The following RHBDD1 variants were observed in gnomAD, a reference collection of about 807,000 sequenced individuals.
The protein encoded by RHBDD1 is rhomboid domain containing 1, also known as rhomboid-related protein 4.
Under a neutral mutation model 36.3 loss-of-function variants are expected in RHBDD1, and 38 were observed. That is an observed-to-expected ratio of 1.05 (90% CI 0.81 to 1.37). The LOEUF (loss-of-function observed/expected upper bound fraction) is 1.37, where lower values mean the gene tolerates loss of function less well. RHBDD1 is among the 40% of genes most tolerant of loss of function. The pLI is 0.00. For missense variants in RHBDD1, 393 were observed against 377.6 expected (o/e 1.04, Z -0.34); for synonymous variants, 151 against 136.5 (o/e 1.11, Z -0.74).
the RHBDD1 span, among the ~76,000 whole-genome samples, chr2:226,829,317 T>G: frequency 2.6e-5 from 4 of 152,212 alleles, no homozygotes; most frequent in African/African-American, 9.6e-5. Flanking sequence ...TCCTCCAACT[T>G]TATTCTTCTT....
intron 5 of RHBDD1, 194 bp downstream of exon 5, chr2:226,867,512 A>G: frequency 1.1e-6 from 1 of 896,446 alleles, no homozygotes. Flanking sequence ...AAGCTGTATA[A>G]TTTTGGGTCA....
At chr2:226,806,870 A>G in the RHBDD1 span, among the ~76,000 whole-genome samples, 1 of 152,262 alleles carries the variant, frequency 6.6e-6, no homozygotes, top group African/African-American at 2.4e-5. Flanking sequence ...AAAACAGAAC[A>G]GAACAATGAT....
At chr2:226,820,789 A>G in the RHBDD1 span, among the ~76,000 whole-genome samples, 2 of 152,058 alleles carry the variant, frequency 1.3e-5, no homozygotes, top group Non-Finnish European at 2.9e-5. Context: ...ACAGAACAAG[A>G]CCCTGTCACT....
At chr2:226,941,612 T>C (rs1053615266) in intron 8 of RHBDD1, among the ~76,000 whole-genome samples, 24 of 152,126 alleles carry the variant, frequency 1.6e-4, no homozygotes, top group African/African-American at 5.8e-4. Context: ...GAGATGAAAA[T>C]GGTACTTGAG....
chr2:226,925,871 A>G (rs1449348833), intron 8 of RHBDD1, among the ~76,000 whole-genome samples: 1 of 152,100 alleles, frequency 6.6e-6, no homozygotes, highest in African/African-American at 2.4e-5. Context: ...GTCATTGTGG[A>G]TATTCAAGGA....
intron 8 of RHBDD1, among the ~76,000 whole-genome samples, chr2:226,968,022 TCTCATA>T (rs1053100860): frequency 2.0e-5 from 3 of 152,212 alleles, no homozygotes; most frequent in Admixed American, 6.5e-5. Flanking sequence ...GTTTTACTTA[TCTCATA>T]GGAGGGTGAA....
chr2:226,841,943 A>G (rs1037430047), intron 3 of RHBDD1, among the ~76,000 whole-genome samples: 1 of 151,988 alleles, frequency 6.6e-6, no homozygotes, highest in Non-Finnish European at 1.5e-5. Context: ...TTTCCCTGCA[A>G]CCTCGCCAGC....
chr2:226,991,429 C>T (rs1456792344), intron 8 of RHBDD1, among the ~76,000 whole-genome samples: 1 of 152,200 alleles, frequency 6.6e-6, no homozygotes, highest in African/African-American at 2.4e-5. Flanking sequence ...AACCGCCCGC[C>T]TCAGCCTCCC....
intron 3 of RHBDD1, among the ~76,000 whole-genome samples, chr2:226,852,878 T>C (rs1305894580): frequency 6.7e-6 from 1 of 149,664 alleles, no homozygotes; most frequent in Non-Finnish European, 1.5e-5. Context: ...GGATTATAGG[T>C]GTGTGCCACT....
chr2:226,849,794 T>TATATCC (rs1375343869), intron 3 of RHBDD1, among the ~76,000 whole-genome samples: 2 of 152,238 alleles, frequency 1.3e-5, no homozygotes, highest in East Asian at 3.8e-4. Flanking sequence ...TATCTATATC[T>TATATCC]ATTCCAGCTT....
chr2:226,902,614 T>C (rs978331923), intron 5 of RHBDD1, among the ~76,000 whole-genome samples: 8 of 152,214 alleles, frequency 5.3e-5, no homozygotes, highest in African/African-American at 1.9e-4. Flanking sequence ...TTTTTTTATG[T>C]GTGTGATGTT....
At chr2:226,882,792 A>G (rs1945879432) in intron 5 of RHBDD1, among the ~76,000 whole-genome samples, 1 of 152,158 alleles carries the variant, frequency 6.6e-6, no homozygotes, top group Non-Finnish European at 1.5e-5. Context: ...TGTGGCTTAC[A>G]CAACAGGAAT....
chr2:226,881,332 T>A (rs1393080799), intron 5 of RHBDD1, among the ~76,000 whole-genome samples: 1 of 152,214 alleles, frequency 6.6e-6, no homozygotes, highest in Non-Finnish European at 1.5e-5. Flanking sequence ...CAGAGAAAAT[T>A]ATTAGCATTA....
At chr2:226,895,481 C>T (rs2125538559) in intron 5 of RHBDD1, among the ~76,000 whole-genome samples, 1 of 152,240 alleles carries the variant, frequency 6.6e-6, no homozygotes, top group South Asian at 2.1e-4. Context: ...GGGTAGGGAA[C>T]TCTAGGATGT....
At chr2:226,974,020 A>G (rs985052321) in intron 8 of RHBDD1, among the ~76,000 whole-genome samples, 3 of 152,012 alleles carry the variant, frequency 2.0e-5, no homozygotes, top group African/African-American at 7.2e-5. Context: ...CCGCCTTTCC[A>G]CATGCTTGCC....
upstream of RHBDD1, chr2:226,835,753 G>A: frequency 6.6e-6 from 1 of 152,420 alleles, no homozygotes. Context: ...GTAGTCAGCG[G>A]CCAGTGGCTA....
intron 8 of RHBDD1, among the ~76,000 whole-genome samples, chr2:226,926,668 C>A (rs1949690876): frequency 6.6e-6 from 1 of 152,134 alleles, no homozygotes; most frequent in African/African-American, 2.4e-5. Flanking sequence ...TGTGTCAAGC[C>A]ATACCACTAA....
chr2:226,805,101 G>C, the RHBDD1 span: 1 of 151,976 alleles, frequency 6.6e-6, no homozygotes, highest in Non-Finnish European at 1.5e-5. Flanking sequence ...TCATTTTCTT[G>C]TTTGATAAGA....
chr2:226,981,569 T>TACACACACACACACAC (rs3055611), intron 8 of RHBDD1, among the ~76,000 whole-genome samples: 20 of 150,168 alleles, frequency 1.3e-4, no homozygotes, highest in African/African-American at 4.9e-4. Flanking sequence ...TGCACACACA[T>TACACACACACACACAC]ACACACACAC....
Sources: allele counts gnomAD v4.1 joint callset (sites outside exome capture counted in the v4.1 genomes callset), GRCh38; gene constraint gnomAD v4.1.1; transcripts MANE v1.5; gene names NCBI Gene and HGNC (gene_info 2026-07-23, HGNC 2026-07-21).